GNG12: variants seen among roughly 807,000 people sequenced by gnomAD.
GNG12 encodes the protein guanine nucleotide-binding protein G(I)/G(S)/G(O) subunit gamma-12.
For missense variants in GNG12, 69 were observed against 83.8 expected (o/e 0.82, Z 0.69); for synonymous variants, 28 against 29.7 (o/e 0.94, Z 0.19).
At chr1:67,720,125 G>A (rs528156518) in intron 2 of GNG12, among the ~76,000 whole-genome samples, 32 of 152,330 alleles carry the variant, frequency 2.1e-4, no homozygotes, top group Non-Finnish European at 3.8e-4. Context: ...AGAAGCCTGG[G>A]TGGAGCTTCT....
chr1:67,727,570 C>T (rs938438050), intron 2 of GNG12, among the ~76,000 whole-genome samples: 4 of 152,164 alleles, frequency 2.6e-5, no homozygotes, highest in African/African-American at 7.2e-5. Flanking sequence ...CCTTCATGAG[C>T]TGGAGGGCTT....
intron 1 of GNG12, among the ~76,000 whole-genome samples, chr1:67,792,841 G>C (rs976485737): frequency 6.6e-5 from 10 of 152,168 alleles, no homozygotes; most frequent in Non-Finnish European, 1.5e-5. Context: ...CTTCTGCCAG[G>C]AGTCTCCAAT....
intron 2 of GNG12, among the ~76,000 whole-genome samples, chr1:67,776,302 C>T (rs1646704927): frequency 6.6e-6 from 1 of 152,148 alleles, no homozygotes; most frequent in Admixed American, 6.6e-5. Context: ...TTCTCATTCA[C>T]CACAGCTGTT....
At chr1:67,730,367 G>C (rs1557598690) in intron 2 of GNG12, among the ~76,000 whole-genome samples, 1 of 152,160 alleles carries the variant, frequency 6.6e-6, no homozygotes, top group Non-Finnish European at 1.5e-5. Flanking sequence ...TGGGCATGGT[G>C]GTGCACATCT....
Position 67,701,493 on chromosome 1 carries a change from T to C in GNG12, c.*3958A>G, listed in dbSNP as rs929727712. On this transcript the variant is annotated 3_prime_UTR_variant, in exon 4 of 4. Transcript: ENST00000370982. ...AGAGAAATGGTCTTTTATTCATTTA[T>C]TGAGCAAAACACAAGTAGGATGATA... The C allele has an allele frequency of 6.6e-6, 1 of 152,632 alleles. No homozygotes were observed. The highest frequency in any genetic ancestry group is 2.4e-5 in the African/African-American group (1 of 41,454). 9.5% of individuals were successfully genotyped at this position (152,632 alleles called of 1,614,324 possible).
chr1:67,783,546 G>A (rs1290559000), intron 1 of GNG12, among the ~76,000 whole-genome samples: 1 of 152,002 alleles, frequency 6.6e-6, no homozygotes, highest in Non-Finnish European at 1.5e-5. Flanking sequence ...TACAAAATGG[G>A]AGAAAATTTT....
intron 2 of GNG12, among the ~76,000 whole-genome samples, chr1:67,717,907 T>C (rs1646335640): frequency 6.6e-6 from 1 of 152,232 alleles, no homozygotes; most frequent in African/African-American, 2.4e-5. Flanking sequence ...GTTGCTGTAC[T>C]TCTCTGGGCC....
At chr1:67,709,283 C>T (rs953778731) in intron 2 of GNG12, among the ~76,000 whole-genome samples, 2 of 152,156 alleles carry the variant, frequency 1.3e-5, no homozygotes, top group African/African-American at 4.8e-5. Flanking sequence ...TCACATACTG[C>T]ACAGTGAATT....
At chr1:67,806,971 A>G (rs1020363383) in intron 1 of GNG12, among the ~76,000 whole-genome samples, 2 of 152,164 alleles carry the variant, frequency 1.3e-5, no homozygotes, top group Admixed American at 1.3e-4. Flanking sequence ...ATCCAACAAC[A>G]ACAACAGAAT....
intron 1 of GNG12, among the ~76,000 whole-genome samples, chr1:67,779,231 C>A (rs1009922855): frequency 6.6e-6 from 1 of 152,140 alleles, no homozygotes; most frequent in East Asian, 1.9e-4. Flanking sequence ...CTTTATTAAT[C>A]CACAGGCCGC....
intron 1 of GNG12, among the ~76,000 whole-genome samples, chr1:67,823,885 C>G (rs1258793028): frequency 6.6e-6 from 1 of 152,224 alleles, no homozygotes; most frequent in Non-Finnish European, 1.5e-5. Flanking sequence ...GACTGGGAAA[C>G]AGCCCAAAGG....
chr1:67,728,844 T>TA (rs1646402359), intron 2 of GNG12, among the ~76,000 whole-genome samples: 2 of 152,098 alleles, frequency 1.3e-5, no homozygotes, highest in African/African-American at 4.8e-5. Flanking sequence ...TTAGCCAGAA[T>TA]GGTTTGGGGA....
intron 2 of GNG12, among the ~76,000 whole-genome samples, chr1:67,738,602 G>T (rs554051723): frequency 3.3e-5 from 5 of 152,106 alleles, no homozygotes; most frequent in Admixed American, 1.3e-4. Context: ...ACACGTGTAG[G>T]CCAGGCATGG....
Position 67,704,569 on chromosome 1 carries a change from G to A in GNG12, c.*882C>T, listed in dbSNP as rs1447876884. On this transcript the variant is annotated 3_prime_UTR_variant, in exon 4 of 4. Transcript: ENST00000370982. Reference sequence around the variant, plus strand: ...AATCATCAGGGTGGAGATTTCAGAGGTGCCTATCCCTAATCCAGTAGAGAA... The same window carrying A: ...AATCATCAGGGTGGAGATTTCAGAGATGCCTATCCCTAATCCAGTAGAGAA... The A allele has an allele frequency of 1.3e-5, 2 of 152,578 alleles. No individual in the cohort carries two copies. Among genetic ancestry groups the A allele is most frequent in the Admixed American group, 6.5e-5 (1 of 15,276 alleles). The allele number at this position is 152,578 out of a possible 1,614,324, so 9.5% of individuals were successfully genotyped here. A position where few individuals can be genotyped will look rare whatever the true frequency, so the allele number is the denominator to read the frequency against.
chr1:67,774,491 T>C (rs574274338), intron 2 of GNG12, among the ~76,000 whole-genome samples: 168 of 152,330 alleles, frequency 1.1e-3, no homozygotes, highest in African/African-American at 3.9e-3. Flanking sequence ...AATGCTGCCA[T>C]GCAGTGGCAG....
intron 2 of GNG12, among the ~76,000 whole-genome samples, chr1:67,740,196 TAAAG>T (rs1166458996): frequency 2.0e-5 from 3 of 152,246 alleles, no homozygotes; most frequent in African/African-American, 7.2e-5. Context: ...ACAAAGTGCA[TAAAG>T]AATGAGCAGA....
Position 67,781,967 on chromosome 1 carries a change from T to A in GNG12, c.-76-4460A>T, listed in dbSNP as rs1403393371. 5.3e-5 allele frequency among the ~76,000 whole-genome samples: 8 copies of A among 152,216 alleles called. No individual in the cohort carries two copies. The East Asian group carries it at 1.5e-3, about 29-fold the overall frequency. Reference sequence around the variant, plus strand: ...ATAGGTACATGTGGGTCTTTAAATTTAAATACAATTAAAAACTCACTTCCC... The same window carrying A: ...ATAGGTACATGTGGGTCTTTAAATTAAAATACAATTAAAAACTCACTTCCC... On this transcript the variant is annotated intron_variant, in intron 1 of 3. Transcript: ENST00000370982.
intron 1 of GNG12, among the ~76,000 whole-genome samples, chr1:67,803,498 G>T (rs569795447): frequency 1.3e-5 from 2 of 152,328 alleles, no homozygotes; most frequent in East Asian, 3.9e-4. Flanking sequence ...AGGACTGACT[G>T]CAGAAGCAAA....
chr1:67,718,396 A>G (rs1209021842), intron 2 of GNG12, among the ~76,000 whole-genome samples: 2 of 152,302 alleles, frequency 1.3e-5, no homozygotes, highest in Non-Finnish European at 2.9e-5. Flanking sequence ...ATTTAGCCCA[A>G]TATGAAAAAA....
Sources: gnomAD v4.1 joint callset for allele counts (sites outside exome capture counted in the v4.1 genomes callset) on GRCh38, gnomAD v4.1.1 for gene constraint, MANE v1.5 for transcripts, NCBI Gene and HGNC (gene_info 2026-07-23, HGNC 2026-07-21) for gene names.